Variants in DENND2A observed in about 807,000 individuals in gnomAD.
DENND2A encodes DENN domain-containing protein 2A.
In DENND2A, 53 loss-of-function variants were observed where a neutral mutation model predicts 105.3. The observed-to-expected ratio is 0.50, with a 90% CI of 0.40 to 0.63. The LOEUF (loss-of-function observed/expected upper bound fraction) is 0.63. Ranked by LOEUF, DENND2A falls within the 30% of genes least tolerant of loss-of-function variation. The pLI is 0.00. For missense variants in DENND2A, 1,138 were observed against 1,279.6 expected (o/e 0.89, Z 1.69); for synonymous variants, 522 against 508.4 (o/e 1.03, Z -0.36).
rs1215944549 is a variant in DENND2A, at chr7:140,602,414, AG to A, written c.-18del. The A allele has an allele frequency of 6.5e-7, 1 of 1,529,940 alleles. No homozygotes were observed. The highest frequency in any genetic ancestry group is 8.7e-7 in the Non-Finnish European group (1 of 1,143,012). 94.8% of individuals were successfully genotyped at this position (1,529,940 alleles called of 1,614,324 possible). Reference sequence around the variant, plus strand: ...CATATCCATTCTTGACTCTAGCGTGAGGTTGTGGAGGCCTTCCAGGGGACTC... The same window carrying A: ...CATATCCATTCTTGACTCTAGCGTGAGTTGTGGAGGCCTTCCAGGGGACTC... On this transcript the variant is annotated 5_prime_UTR_variant, in exon 3 of 20. Transcript: ENST00000496613.
chr7:140,527,638 C>G lies in DENND2A; in HGVS notation c.2328-143G>C, dbSNP rs1428411255. Reference sequence around the variant, plus strand: ...GATCCGGTGGAGCACATGATGGTCTCAGCACAGGCCACACCAGGCACTTAG... The same window carrying G: ...GATCCGGTGGAGCACATGATGGTCTGAGCACAGGCCACACCAGGCACTTAG... On this transcript the variant is annotated intron_variant, in intron 14 of 19. Transcript: ENST00000496613. This position sits in a 1 kb window ranked among gnomAD's most constrained non-coding sequence, Gnocchi z 4.9. The G allele has an allele frequency of 1.0e-5, 9 of 859,972 alleles. No individual in the cohort carries two copies. Among genetic ancestry groups the G allele is most frequent in the Admixed American group, 5.8e-5 (2 of 34,740 alleles). The allele number at this position is 859,972 out of a possible 1,614,324, so 53.3% of individuals were successfully genotyped here.
chr7:140,586,348 G>A (rs983379318), intron 4 of DENND2A, among the ~76,000 whole-genome samples: 16 of 146,802 alleles, frequency 1.1e-4, no homozygotes, highest in African/African-American at 2.0e-4. Flanking sequence ...GGAAAACCCC[G>A]TCCCTCCTAA....
At chr7:140,562,830 T>C (rs564480481) in intron 9 of DENND2A, among the ~76,000 whole-genome samples, 26 of 152,216 alleles carry the variant, frequency 1.7e-4, no homozygotes, top group Non-Finnish European at 3.8e-4. Flanking sequence ...TGTCCTTTAG[T>C]TGTTCTTCTT....
intron 5 of DENND2A, among the ~76,000 whole-genome samples, chr7:140,579,687 C>T (rs1335830149): frequency 6.6e-6 from 1 of 152,180 alleles, no homozygotes; most frequent in Non-Finnish European, 1.5e-5. Context: ...TGTATACACA[C>T]ATGCACACAA....
Position 140,567,199 on chromosome 7 carries a change from G to C in DENND2A, c.1666C>G (p.Leu556Val). The C allele has an allele frequency of 6.2e-7, 1 of 1,613,904 alleles. No individual in the cohort carries two copies. Among genetic ancestry groups the C allele is most frequent in the Non-Finnish European group, 8.5e-7 (1 of 1,179,974 alleles). Residue 556 changes from leucine (L) to valine (V), a missense_variant, in exon 9 of 20, where the codon CTC becomes GTC. Coordinates refer to ENST00000496613, the MANE Select transcript of DENND2A (RefSeq NM_015689.5). ...AGCTGCCTCTCCTGGTACTCGATGA[G>C]TTCCCGGGCAAGTGATGGGTACCGA... ...APRYPSLARE[L>V]IEYQERQLFE...
chr7:140,618,781 G>A (rs1047548404), intron 1 of DENND2A, among the ~76,000 whole-genome samples: 1 of 151,802 alleles, frequency 6.6e-6, no homozygotes, highest in Non-Finnish European at 1.5e-5. Context: ...GTTTTTTTAC[G>A]GTTGTATGAT....
At chr7:140,617,000 G>A (rs1046774997) in intron 1 of DENND2A, among the ~76,000 whole-genome samples, 2 of 152,146 alleles carry the variant, frequency 1.3e-5, no homozygotes, top group East Asian at 1.9e-4. Flanking sequence ...TGGGACTCCT[G>A]GCGTGTGCCA....
At chr7:140,610,460 G>A (rs1799853786) in intron 1 of DENND2A, among the ~76,000 whole-genome samples, 1 of 152,090 alleles carries the variant, frequency 6.6e-6, no homozygotes, top group Non-Finnish European at 1.5e-5. Flanking sequence ...AGATCTCATA[G>A]TGAGATGCTT....
chr7:140,540,065 A>G (rs955133634), intron 14 of DENND2A, among the ~76,000 whole-genome samples: 6 of 152,236 alleles, frequency 3.9e-5, no homozygotes, highest in Admixed American at 1.3e-4. Context: ...TACTCTGGGA[A>G]ACCTCCCTGA....
intron 12 of DENND2A, among the ~76,000 whole-genome samples, chr7:140,555,107 A>C (rs1797303389): frequency 6.8e-6 from 1 of 147,008 alleles, no homozygotes; most frequent in African/African-American, 2.5e-5. Flanking sequence ...CACCACACAC[A>C]CTTTCTGAAC....
intron 12 of DENND2A, among the ~76,000 whole-genome samples, chr7:140,550,603 G>C (rs1294531058): frequency 1.3e-5 from 2 of 152,172 alleles, no homozygotes; most frequent in Non-Finnish European, 2.9e-5. Flanking sequence ...TTACAGGTGT[G>C]AGCCACTTCA....
At chr7:140,620,069 G>T (rs899575736) in intron 1 of DENND2A, among the ~76,000 whole-genome samples, 1 of 151,588 alleles carries the variant, frequency 6.6e-6, no homozygotes, top group Non-Finnish European at 1.5e-5. Context: ...GGTGGCGGGC[G>T]CCTGTAGTCC....
Position 140,567,296 on chromosome 7 carries a change from AAGAGAGAAAGAGAGAG to A in DENND2A, c.1592-39_1592-24del, listed in dbSNP as rs775038928. The A allele has an allele frequency of 3.6e-3, 2,998 of 831,116 alleles. 58 individuals carry two copies. Among genetic ancestry groups the A allele is most frequent in the African/African-American group, 0.027 (1,231 of 45,724 alleles). 51.5% of individuals were successfully genotyped at this position (831,116 alleles called of 1,614,324 possible). On this transcript the variant is annotated intron_variant, in intron 8 of 19. Coordinates refer to ENST00000496613, the MANE Select transcript of DENND2A (RefSeq NM_015689.5). Reference sequence around the variant, plus strand: ...GAGCTGGGTGAGGGAGGGAGAGAGAAAGAGAGAAAGAGAGAGAGAGAGAGAGAGAGAGAGAGAGAGA... The same window carrying A: ...GAGCTGGGTGAGGGAGGGAGAGAGAAAGAGAGAGAGAGAGAGAGAGAGAGA...
chr7:140,640,662 G>C lies in DENND2A; in HGVS notation c.-406C>G, dbSNP rs1463404743. Reference sequence around the variant, plus strand: ...CCCCTTTGTCCGCCGAGCCTCCCCCGGCCGCCCGCAAGCCCCTGGGGGTCC... The same window carrying C: ...CCCCTTTGTCCGCCGAGCCTCCCCCCGCCGCCCGCAAGCCCCTGGGGGTCC... On this transcript the variant is annotated 5_prime_UTR_variant, in exon 1 of 20. Transcript: ENST00000496613. This position sits in a 1 kb window ranked among gnomAD's most constrained non-coding sequence, Gnocchi z 4.9. 1 of 147,862 alleles carries C rather than the reference G, an allele frequency of 6.8e-6. No individual in the cohort carries two copies. Among genetic ancestry groups the C allele is most frequent in the Non-Finnish European group, 1.5e-5 (1 of 66,344 alleles). 9.2% of individuals were successfully genotyped at this position (147,862 alleles called of 1,614,324 possible).
intron 12 of DENND2A, among the ~76,000 whole-genome samples, chr7:140,554,163 T>C (rs1397326596): frequency 6.6e-6 from 1 of 151,306 alleles, no homozygotes; most frequent in Non-Finnish European, 1.5e-5. Context: ...GAGGCAGAGG[T>C]TGCAGTGAGC....
At chr7:140,553,092 G>C (rs1388934913) in intron 12 of DENND2A, among the ~76,000 whole-genome samples, 1 of 152,028 alleles carries the variant, frequency 6.6e-6, no homozygotes, top group Non-Finnish European at 1.5e-5. Context: ...AGAAATAAGG[G>C]GACCCAGGGA....
chr7:140,529,837 A>C (rs995066227), intron 14 of DENND2A, among the ~76,000 whole-genome samples: 12 of 152,116 alleles, frequency 7.9e-5, no homozygotes, highest in Non-Finnish European at 1.3e-4. Flanking sequence ...AGATATACCC[A>C]ATGTAAATGA....
chr7:140,606,699 A>G (rs903743617), intron 1 of DENND2A, among the ~76,000 whole-genome samples: 2 of 152,146 alleles, frequency 1.3e-5, no homozygotes, highest in African/African-American at 4.8e-5. Context: ...TGTCTGGTCT[A>G]AGGAACACCA....
At position 140,523,180 on chromosome 7, in the gene DENND2A, A is replaced by T; in HGVS notation, c.2665+127T>A. ...GAATGAAATCCAGATAAACAGAATGAGGCCCTGGTTTCTCTCCTTATGTCT... is the reference window on the plus strand; with the variant it reads ...GAATGAAATCCAGATAAACAGAATGTGGCCCTGGTTTCTCTCCTTATGTCT... On this transcript the variant is annotated intron_variant, in intron 17 of 19. Coordinates refer to ENST00000496613, the MANE Select transcript of DENND2A (RefSeq NM_015689.5). The surrounding 1 kb of genome is among the most constrained non-coding windows in gnomAD (Gnocchi z 4.5). 1.2e-6 allele frequency: 1 copy of T among 803,764 alleles called. No homozygotes were observed. 49.8% of individuals were successfully genotyped at this position (803,764 alleles called of 1,614,324 possible). A position where few individuals can be genotyped will look rare whatever the true frequency, so the allele number is the denominator to read the frequency against.
Sources: gnomAD v4.1 joint callset for allele counts (sites outside exome capture counted in the v4.1 genomes callset) on GRCh38, gnomAD v4.1.1 for gene constraint, Gnocchi (gnomAD v3.1) non-coding constraint, MANE v1.5 for transcripts, NCBI Gene and HGNC (gene_info 2026-07-23, HGNC 2026-07-21) for gene names.